The following CDC73 variants were observed in gnomAD, a reference collection of about 807,000 sequenced individuals.
CDC73 encodes parafibromin.
Under a neutral mutation model 83.7 loss-of-function variants are expected in CDC73, and 21 were observed. The ratio of observed to expected loss-of-function variants is 0.25; its 90% CI spans 0.18 to 0.36. The LOEUF (loss-of-function observed/expected upper bound fraction) is 0.36, where lower values mean the gene tolerates loss of function less well. Among genes scored for constraint, CDC73 ranks in the 10% least tolerant of loss-of-function variants. The probability of loss-of-function intolerance (pLI) is 1.00; values close to 1 mark genes in which losing one functional copy is unlikely to be tolerated. For missense variants in CDC73, 342 were observed against 653.3 expected, an observed-to-expected ratio of 0.52 and a Z score of 5.19; for synonymous variants, 224 against 212.9, an observed-to-expected ratio of 1.05 and a Z score of -0.45.
intron 10 of CDC73, among the ~76,000 whole-genome samples, chr1:193,190,844 C>T (rs191140968): frequency 7.2e-5 from 11 of 152,172 alleles, no homozygotes; most frequent in Non-Finnish European, 1.2e-4. Flanking sequence ...CTCAAGGGGG[C>T]AGTGGTAGGG....
intron 14 of CDC73, 130 bp from the exon 15 acceptor site, chr1:193,236,126 G>A (rs1209980220): frequency 1.8e-5 from 14 of 763,520 alleles, no homozygotes; most frequent in Non-Finnish European, 2.4e-5. Flanking sequence ...CTTCATGGAA[G>A]GATTGATAAG....
At chr1:193,150,239 C>A in intron 8 of CDC73, 65 bp from the exon 9 acceptor site, 1 of 1,180,864 alleles carries the variant, frequency 8.5e-7, no homozygotes, top group Non-Finnish European at 1.3e-6. Context: ...CTACTGCACT[C>A]CAGCACATTA....
chr1:193,217,441 G>A (rs922086692), intron 13 of CDC73, among the ~76,000 whole-genome samples: 1 of 151,994 alleles, frequency 6.6e-6, no homozygotes, highest in South Asian at 2.1e-4. Context: ...AGAAGTAGGG[G>A]AGCCAGAAAG....
At chr1:193,193,367 G>T (rs1256939693) in intron 10 of CDC73, among the ~76,000 whole-genome samples, 3 of 152,002 alleles carry the variant, frequency 2.0e-5, no homozygotes, top group Admixed American at 1.3e-4. Flanking sequence ...GGAAATAAGT[G>T]GTATTTAAAT....
chr1:193,170,132 C>T (rs538240254), intron 10 of CDC73, among the ~76,000 whole-genome samples: 1 of 152,148 alleles, frequency 6.6e-6, no homozygotes, highest in East Asian at 1.9e-4. Flanking sequence ...TGATCTCATT[C>T]TTTTTTATCA....
intron 16 of CDC73, 108 bp from the exon 17 acceptor site, chr1:193,250,568 T>G: frequency 1.3e-6 from 1 of 785,288 alleles, no homozygotes; most frequent in Non-Finnish European, 2.2e-6. Flanking sequence ...CAGCATTTTA[T>G]TCTGTTGATT....
At chr1:193,201,359 G>A (rs2103176166) in intron 10 of CDC73, among the ~76,000 whole-genome samples, 1 of 152,250 alleles carries the variant, frequency 6.6e-6, no homozygotes, top group Middle Eastern at 3.4e-3. Context: ...ATATTATAAA[G>A]TGTATTATAT....
At chr1:193,230,485 T>G (rs1034073226) in intron 13 of CDC73, among the ~76,000 whole-genome samples, 3 of 89,600 alleles carry the variant, frequency 3.3e-5, no homozygotes, top group Non-Finnish European at 4.6e-5. Flanking sequence ...TTTTTTTTTT[T>G]GCAAAGCAAC....
intron 10 of CDC73, among the ~76,000 whole-genome samples, chr1:193,162,956 C>G (rs1676364863): frequency 6.6e-6 from 1 of 151,978 alleles, no homozygotes; most frequent in African/African-American, 2.4e-5. Flanking sequence ...TACTTGTGTT[C>G]TATAGATGGC....
At chr1:193,171,043 A>G (rs61821972) in intron 10 of CDC73, among the ~76,000 whole-genome samples, 148 of 152,310 alleles carry the variant, frequency 9.7e-4, no homozygotes, top group Middle Eastern at 6.8e-3. Context: ...CTGTCTTTCA[A>G]CTGTGGAGAC....
At chr1:193,185,460 T>TA (rs1294600594) in intron 10 of CDC73, among the ~76,000 whole-genome samples, 1 of 152,096 alleles carries the variant, frequency 6.6e-6, no homozygotes, top group Non-Finnish European at 1.5e-5. Flanking sequence ...AATTTGTTGA[T>TA]ACTCTCTTTG....
chr1:193,171,827 C>T (rs1022169539), intron 10 of CDC73, among the ~76,000 whole-genome samples: 3 of 152,158 alleles, frequency 2.0e-5, no homozygotes, highest in East Asian at 1.9e-4. Flanking sequence ...CATACCACCA[C>T]ACTCAATCAA....
At chr1:193,248,302 G>A (rs960776232) in intron 15 of CDC73, among the ~76,000 whole-genome samples, 25 of 152,126 alleles carry the variant, frequency 1.6e-4, no homozygotes, top group African/African-American at 5.8e-4. Context: ...TAAGGCCACT[G>A]TTGAGACCTA....
At position 193,249,713 on chromosome 1, in the gene CDC73, C is replaced by G. The variant is rs11583414; in HGVS notation, c.1418-17C>G. ...ATTTTGAGTAAAAATGATAACTTCT[C>G]TCCACCCTCTCTATAGTTAAAGCCT... On this transcript the variant is annotated splice_polypyrimidine_tract_variant and intron_variant, in intron 15 of 16. Coordinates refer to ENST00000367435, the MANE Select transcript of CDC73 (RefSeq NM_024529.5). The G allele has an allele frequency of 0.077, 122,502 of 1,592,552 alleles. 5,388 individuals are homozygous for G. Among genetic ancestry groups the G allele is most frequent in the Non-Finnish European group, 0.091 (106,056 of 1,160,996 alleles).
intron 11 of CDC73, among the ~76,000 whole-genome samples, chr1:193,206,803 T>G (rs1536100): frequency 0.042 from 6,385 of 152,302 alleles, 429 homozygotes; most frequent in African/African-American, 0.15. Context: ...ATTTCTCATT[T>G]CATCAAATAT....
chr1:193,211,879 G>T (rs1428382294), intron 11 of CDC73, among the ~76,000 whole-genome samples, 186 bp from the exon 12 acceptor site: 1 of 152,142 alleles, frequency 6.6e-6, no homozygotes, highest in East Asian at 1.9e-4. Flanking sequence ...ACTACAGATT[G>T]TTGAATAATG....
At chr1:193,192,204 A>G (rs972628572) in intron 10 of CDC73, among the ~76,000 whole-genome samples, 1 of 152,072 alleles carries the variant, frequency 6.6e-6, no homozygotes, top group Non-Finnish European at 1.5e-5. Context: ...GCACTTTGGG[A>G]GGCCGAGATG....
At chr1:193,202,624 T>C (rs930571186) in intron 10 of CDC73, among the ~76,000 whole-genome samples, 1 of 151,142 alleles carries the variant, frequency 6.6e-6, no homozygotes, top group African/African-American at 2.4e-5. Flanking sequence ...TTTTTTTTTT[T>C]TTTTTTTCCT....
intron 10 of CDC73, among the ~76,000 whole-genome samples, chr1:193,194,755 A>C (rs12124921): frequency 0.04 from 6,036 of 152,162 alleles, 113 homozygotes; most frequent in Middle Eastern, 0.048. Context: ...TAAATGAAAA[A>C]AGTTTTTCTA....
Sources: allele counts gnomAD v4.1 joint callset (sites outside exome capture counted in the v4.1 genomes callset), GRCh38; gene constraint gnomAD v4.1.1; transcripts MANE v1.5; gene names NCBI Gene and HGNC (gene_info 2026-07-23, HGNC 2026-07-21).